SUSD1: variants seen among roughly 807,000 people sequenced by gnomAD.
SUSD1 encodes sushi domain-containing protein 1.
In SUSD1, 65 loss-of-function variants were observed where a neutral mutation model predicts 86.9. The ratio of observed to expected loss-of-function variants is 0.75; its 90% CI spans 0.61 to 0.92. SUSD1 has a LOEUF of 0.92. SUSD1 is among the 40% of genes least tolerant of loss of function. SUSD1 has a pLI of 0.00. For missense variants in SUSD1, 850 were observed against 929.7 expected, an observed-to-expected ratio of 0.91 and a Z score of 1.11; for synonymous variants, 346 against 350.0, an observed-to-expected ratio of 0.99 and a Z score of 0.13.
intron 5 of SUSD1, among the ~76,000 whole-genome samples, chr9:112,133,701 A>C (rs1832132934): frequency 6.6e-6 from 1 of 152,192 alleles, no homozygotes; most frequent in Non-Finnish European, 1.5e-5. Context: ...TGCAACAAAA[A>C]CAAAAGTGAC....
Position 112,167,536 on chromosome 9 carries a change from G to T in SUSD1, c.103+7597C>A, listed in dbSNP as rs189708612. Among the ~76,000 whole-genome samples, 5 of 152,334 alleles carry T rather than the reference G, an allele frequency of 3.3e-5. No homozygotes were observed. The East Asian group carries it at 9.6e-4, about 29-fold the overall frequency. ...ATGAATATTTATATCCATTTCCACA[G>T]ATTTTGTTATTATTGTTAGAAACAG... On this transcript the variant is annotated intron_variant, in intron 1 of 16. Transcript: ENST00000374270.
At chr9:112,080,644 T>C (rs1454538564) in intron 10 of SUSD1, among the ~76,000 whole-genome samples, 2 of 146,772 alleles carry the variant, frequency 1.4e-5, no homozygotes, top group East Asian at 2.0e-4. Context: ...GCAGAGATTG[T>C]GCCACTGCAC....
intron 1 of SUSD1, among the ~76,000 whole-genome samples, chr9:112,170,726 G>GAT (rs1163637311): frequency 3.4e-4 from 52 of 151,032 alleles, no homozygotes; most frequent in Admixed American, 1.2e-3. Context: ...GAGAGAGAGA[G>GAT]AGAGAGAGAG....
At chr9:112,102,153 G>A (rs770473007) in intron 9 of SUSD1, 23 bp downstream of exon 9, 7 of 1,353,610 alleles carry the variant, frequency 5.2e-6, no homozygotes, top group Non-Finnish European at 6.1e-6. Flanking sequence ...TTCTTTAATG[G>A]AAAGCATAAG....
At chr9:112,081,803 A>C (rs181511926) in intron 10 of SUSD1, among the ~76,000 whole-genome samples, 67 of 152,342 alleles carry the variant, frequency 4.4e-4, no homozygotes, top group African/African-American at 1.6e-3. Context: ...ACGACCAAAG[A>C]TTTATTCCCA....
chr9:112,095,517 A>G (rs1418989120), intron 10 of SUSD1, among the ~76,000 whole-genome samples: 1 of 152,230 alleles, frequency 6.6e-6, no homozygotes, highest in East Asian at 1.9e-4. Context: ...GCGAAATGCC[A>G]CTAGCCCAGG....
intron 10 of SUSD1, among the ~76,000 whole-genome samples, chr9:112,089,822 AAAAAAAAAAAG>A (rs1327805583): frequency 6.8e-6 from 1 of 147,286 alleles, no homozygotes; most frequent in East Asian, 1.9e-4. Context: ...AAAAAAAAAA[AAAAAAAAAAAG>A]AAAAGAAAAG....
chr9:112,050,366 CT>C (rs761625918), intron 15 of SUSD1, among the ~76,000 whole-genome samples: 2 of 152,134 alleles, frequency 1.3e-5, no homozygotes, highest in Non-Finnish European at 2.9e-5. Context: ...GTCCTCTACC[CT>C]TGTTGCAGTT....
chr9:112,148,776 C>T (rs1192657055), intron 3 of SUSD1, among the ~76,000 whole-genome samples: 3 of 151,868 alleles, frequency 2.0e-5, no homozygotes, highest in Non-Finnish European at 4.4e-5. Context: ...CATGGTGGTG[C>T]GTGCCTGTAA....
At chr9:112,163,976 G>C (rs1367710203) in intron 1 of SUSD1, among the ~76,000 whole-genome samples, 2 of 151,336 alleles carry the variant, frequency 1.3e-5, no homozygotes, top group African/African-American at 4.9e-5. Context: ...ACTCCAGGCT[G>C]GGCAACAGAT....
At chr9:112,044,945 C>T (rs1299117678) in intron 15 of SUSD1, among the ~76,000 whole-genome samples, 1 of 152,076 alleles carries the variant, frequency 6.6e-6, no homozygotes, top group African/African-American at 2.4e-5. Flanking sequence ...AAAGACATAC[C>T]TCAATAGCGA....
At chr9:112,141,669 T>C (rs1031728930) in intron 5 of SUSD1, among the ~76,000 whole-genome samples, 2 of 148,896 alleles carry the variant, frequency 1.3e-5, no homozygotes, top group Admixed American at 6.8e-5. Flanking sequence ...AAAGCGAGAT[T>C]CTGTCTCAAA....
At chr9:112,089,453 A>C (rs1312490338) in intron 10 of SUSD1, among the ~76,000 whole-genome samples, 1 of 152,238 alleles carries the variant, frequency 6.6e-6, no homozygotes, top group Non-Finnish European at 1.5e-5. Flanking sequence ...AAAAGCCACA[A>C]GTCACAATGA....
rs553664543 is a variant in SUSD1, at chr9:112,090,499, C to T, written c.1474+7971G>A. Among the ~76,000 whole-genome samples the T allele has an allele frequency of 1.2e-4, 18 of 152,072 alleles. No individual in the cohort carries two copies. In the South Asian group the frequency reaches 3.7e-3, roughly 32 times the overall value. On this transcript the variant is annotated intron_variant, in intron 10 of 16. Transcript: ENST00000374270. ...GGCATAAATAATGAAGGAAACTTTA[C>T]AAATTATTTTTATGAAGAAAGGAAA...
intron 8 of SUSD1, among the ~76,000 whole-genome samples, chr9:112,111,148 A>G (rs1831079712): frequency 6.6e-6 from 1 of 152,056 alleles, no homozygotes; most frequent in East Asian, 1.9e-4. Context: ...GTGTGCCACC[A>G]CACCCAGCTA....
In SUSD1 at chr9:112,172,543, A is replaced by T. The variant is rs190262762; in HGVS notation, c.103+2590T>A. 3.6e-4 allele frequency among the ~76,000 whole-genome samples: 55 copies of T among 152,278 alleles called. 1 individual carries two copies. The East Asian group carries it at 7.5e-3, about 21-fold the overall frequency. ...AGCAACCATCAAGTCTATTGATTTC[A>T]TCTCTCCAAATCCATAACAGCACCT... is the stretch of plus-strand genomic sequence containing the variant. On this transcript the variant is annotated intron_variant, in intron 1 of 16. Transcript: ENST00000374270.
At chr9:112,173,286 G>A (rs1436625772) in intron 1 of SUSD1, among the ~76,000 whole-genome samples, 1 of 152,158 alleles carries the variant, frequency 6.6e-6, no homozygotes, top group Non-Finnish European at 1.5e-5. Context: ...GAGAATGGGG[G>A]TGGGGGCGGC....
chr9:112,065,301 TCA>T (rs1828927823), intron 12 of SUSD1, among the ~76,000 whole-genome samples: 1 of 152,072 alleles, frequency 6.6e-6, no homozygotes, highest in East Asian at 1.9e-4. Context: ...GGTGGGCGGA[TCA>T]CTTGAGGTCA....
At chr9:112,134,428 G>C (rs1215235909) in intron 5 of SUSD1, among the ~76,000 whole-genome samples, 4 of 152,188 alleles carry the variant, frequency 2.6e-5, no homozygotes, top group Admixed American at 2.6e-4. Context: ...GATGCAGCTA[G>C]AGGCCACTTC....
Sources: allele counts gnomAD v4.1 joint callset (sites outside exome capture counted in the v4.1 genomes callset), GRCh38; gene constraint gnomAD v4.1.1; transcripts MANE v1.5; gene names NCBI Gene and HGNC (gene_info 2026-07-23, HGNC 2026-07-21).